The following VPS53 variants were observed in gnomAD, a reference collection of about 807,000 sequenced individuals.
The protein encoded by VPS53 is vacuolar protein sorting-associated protein 53 homolog.
In VPS53, 70 loss-of-function variants were observed where a neutral mutation model predicts 107.0. The observed-to-expected ratio is 0.65, with a 90% CI of 0.54 to 0.80. The LOEUF (loss-of-function observed/expected upper bound fraction) is 0.80, where lower values mean the gene tolerates loss of function less well. Among genes scored for constraint, VPS53 ranks in the 30% least tolerant of loss-of-function variants. The pLI is 0.00. For missense variants in VPS53, 917 were observed against 1,049.4 expected, an observed-to-expected ratio of 0.87 and a Z score of 1.74; for synonymous variants, 409 against 393.3, an observed-to-expected ratio of 1.04 and a Z score of -0.47.
chr17:589,456 G>A (rs1967518181), intron 12 of VPS53, among the ~76,000 whole-genome samples: 1 of 152,048 alleles, frequency 6.6e-6, no homozygotes, highest in Non-Finnish European at 1.5e-5. Flanking sequence ...TAGGGGTAAA[G>A]GACATTATGT....
chr17:526,527 C>T (rs1461875421), intron 19 of VPS53, among the ~76,000 whole-genome samples: 5 of 152,184 alleles, frequency 3.3e-5, no homozygotes, highest in Admixed American at 6.5e-5. Context: ...ACAGATTTGG[C>T]GGCTGTCTGT....
In VPS53 at chr17:548,188, G is replaced by C. The variant is rs148322146; in HGVS notation, c.1866+3684C>G. The stretch of plus-strand genomic sequence containing the variant: ...GAAACTGACCTAGCAGTGGAGTAAA[G>C]AGATAGATAATGAAAGCTCTATATG... On this transcript the variant is annotated intron_variant, in intron 17 of 21. Coordinates refer to ENST00000437048, the MANE Select transcript of VPS53 (RefSeq NM_001128159.3). Among the ~76,000 whole-genome samples the C allele has an allele frequency of 1.8e-4, 27 of 152,350 alleles. No individual in the cohort carries two copies. The East Asian group carries it at 5.0e-3, about 28-fold the overall frequency.
chr17:556,785 G>A (rs1045211570), intron 15 of VPS53, among the ~76,000 whole-genome samples: 6 of 143,806 alleles, frequency 4.2e-5, no homozygotes, highest in African/African-American at 1.3e-4. Flanking sequence ...TAATGGGGGC[G>A]CCAGATAATA....
intron 5 of VPS53, chr17:657,316 T>A: frequency 1.3e-6 from 1 of 766,448 alleles, no homozygotes; most frequent in Non-Finnish European, 2.3e-6. Context: ...ATGACATCCA[T>A]GAACCCAGCA....
At chr17:529,273 G>A (rs557444535) in intron 19 of VPS53, among the ~76,000 whole-genome samples, 3 of 152,074 alleles carry the variant, frequency 2.0e-5, no homozygotes, top group Non-Finnish European at 2.9e-5. Context: ...TTACAATACT[G>A]CTGCAATAAG....
At chr17:635,777 C>G (rs545742479) in intron 7 of VPS53, among the ~76,000 whole-genome samples, 3 of 152,190 alleles carry the variant, frequency 2.0e-5, no homozygotes, top group African/African-American at 7.2e-5. Flanking sequence ...GGTACCAGTA[C>G]CATGCTGTTT....
At chr17:575,350 T>C (rs554035660) in intron 13 of VPS53, among the ~76,000 whole-genome samples, 25 of 152,298 alleles carry the variant, frequency 1.6e-4, no homozygotes, top group Admixed American at 3.3e-4. Flanking sequence ...TCACCCATGA[T>C]AGAAGCATTA....
At chr17:657,586 G>A (rs537717576) in intron 5 of VPS53, 17 of 818,690 alleles carry the variant, frequency 2.1e-5, no homozygotes, top group South Asian at 1.5e-4. Flanking sequence ...TTTGTCTTCC[G>A]GTGCACATAG....
intron 13 of VPS53, among the ~76,000 whole-genome samples, chr17:573,442 C>A (rs905876058): frequency 2.0e-5 from 3 of 152,184 alleles, no homozygotes; most frequent in Non-Finnish European, 4.4e-5. Context: ...TTGGCTGGGG[C>A]AGATGCTGCC....
chr17:703,611 A>G (rs972168221), intron 2 of VPS53, among the ~76,000 whole-genome samples: 1 of 152,126 alleles, frequency 6.6e-6, no homozygotes, highest in African/African-American at 2.4e-5. Context: ...AGTTTTGTTT[A>G]CTTTTTAAAT....
intron 13 of VPS53, among the ~76,000 whole-genome samples, chr17:583,519 T>A (rs1281621044): frequency 1.3e-5 from 2 of 151,364 alleles, no homozygotes; most frequent in African/African-American, 4.9e-5. Flanking sequence ...CTTCAATACA[T>A]TCCCAGAGAA....
At chr17:665,010 C>T (rs1971621010) in intron 4 of VPS53, among the ~76,000 whole-genome samples, 2 of 152,096 alleles carry the variant, frequency 1.3e-5, no homozygotes, top group Admixed American at 6.5e-5. Flanking sequence ...CAATACGTTA[C>T]GGGTGCCTGT....
chr17:544,733 G>C (rs1410426063), intron 17 of VPS53, among the ~76,000 whole-genome samples: 1 of 152,156 alleles, frequency 6.6e-6, no homozygotes, highest in Non-Finnish European at 1.5e-5. Flanking sequence ...TTCCTGGTAA[G>C]TGCTCAGTAA....
chr17:674,255 C>G (rs1189956012), intron 4 of VPS53: 1 of 152,236 alleles, frequency 6.6e-6, no homozygotes, highest in Non-Finnish European at 1.5e-5. Context: ...TAACAAAGGA[C>G]TACTTTTCCC....
rs774098918 is a variant in VPS53, at chr17:653,386, G to A, written c.513C>T (p.Tyr171=). ...SLEAMTRRRQ[Y]GEVANLLQGV... is the part of the protein sequence containing the mutation. ...CCTGAAGGAGATTAGCAACTTCTCC[G>A]TATTGTCTTCGCCTGGTCATGGCTC... Residue 171 remains tyrosine (Y), a synonymous_variant, in exon 7 of 22, where the codon TAC becomes TAT. Transcript: ENST00000437048. 1.7e-5 allele frequency: 27 copies of A among 1,614,140 alleles called. No individual in the cohort carries two copies. The highest frequency in any genetic ancestry group is 1.3e-4 in the Admixed American group (8 of 60,018).
chr17:657,641 C>G, intron 5 of VPS53: 1 of 602,580 alleles, frequency 1.7e-6, no homozygotes, highest in Non-Finnish European at 3.0e-6. Flanking sequence ...TTCTGTGATA[C>G]CTGGAAGGAA....
At chr17:535,610 T>C (rs1186411705) in intron 18 of VPS53, among the ~76,000 whole-genome samples, 1 of 152,208 alleles carries the variant, frequency 6.6e-6, no homozygotes, top group African/African-American at 2.4e-5. Flanking sequence ...GCAGCCACCC[T>C]GGAGATTTTG....
At chr17:688,847 G>A (rs752126194) in intron 4 of VPS53, among the ~76,000 whole-genome samples, 4 of 152,306 alleles carry the variant, frequency 2.6e-5, no homozygotes, top group South Asian at 2.1e-4. Flanking sequence ...CACAGATCAC[G>A]GTGTTCAGGG....
chr17:533,121 G>A (rs984619075), intron 18 of VPS53: 13 of 765,258 alleles, frequency 1.7e-5, no homozygotes, highest in African/African-American at 3.5e-5. Flanking sequence ...CGGGAAAACC[G>A]GATCCCATCC....
Sources: allele counts gnomAD v4.1 joint callset (sites outside exome capture counted in the v4.1 genomes callset), GRCh38; gene constraint gnomAD v4.1.1; transcripts MANE v1.5; gene names NCBI Gene and HGNC (gene_info 2026-07-23, HGNC 2026-07-21).